MAGI2: variants seen among roughly 807,000 people sequenced by gnomAD.
The protein encoded by MAGI2 is membrane associated guanylate kinase, WW and PDZ domain containing 2.
Under a neutral mutation model 133.3 loss-of-function variants are expected in MAGI2, and 35 were observed. The ratio of observed to expected loss-of-function variants is 0.26; its 90% confidence interval spans 0.20 to 0.35. The LOEUF (loss-of-function observed/expected upper bound fraction) is 0.35, where lower values mean the gene tolerates loss of function less well. MAGI2 is among the 10% of genes least tolerant of loss of function. The pLI, the probability that MAGI2 is intolerant of heterozygous loss-of-function variation, is 1.00. For synonymous variants in MAGI2, 729 were observed against 710.6 expected, an observed-to-expected ratio of 1.03 and a Z score of -0.41; for missense variants, 1,636 against 1,863.4, an observed-to-expected ratio of 0.88 and a Z score of 2.25.
chr7:78,751,390 T>C (rs1303580764), intron 2 of MAGI2, among the ~76,000 whole-genome samples: 2 of 152,210 alleles, frequency 1.3e-5, no homozygotes, highest in African/African-American at 2.4e-5. Context: ...TGTAATTGTA[T>C]TGTTTAGAGA....
intron 6 of MAGI2, among the ~76,000 whole-genome samples, chr7:78,470,442 T>C (rs928687570): frequency 6.6e-6 from 1 of 152,096 alleles, no homozygotes; most frequent in African/African-American, 2.4e-5. Flanking sequence ...TTCTCCTTTA[T>C]TTAGTGGTGG....
chr7:78,765,581 T>G (rs567928947), intron 2 of MAGI2, among the ~76,000 whole-genome samples: 2 of 152,060 alleles, frequency 1.3e-5, no homozygotes, highest in South Asian at 2.1e-4. Flanking sequence ...ACTCCTGACC[T>G]TGTGATCTGC....
intron 2 of MAGI2, among the ~76,000 whole-genome samples, chr7:78,710,275 A>G (rs1819053305): frequency 6.6e-6 from 1 of 152,190 alleles, no homozygotes; most frequent in Admixed American, 6.5e-5. Context: ...CATCAAAATC[A>G]GGACTAATGC....
intron 1 of MAGI2, among the ~76,000 whole-genome samples, chr7:79,156,309 A>G (rs1823773244): frequency 6.6e-6 from 1 of 152,132 alleles, no homozygotes; most frequent in Non-Finnish European, 1.5e-5. Flanking sequence ...TTGTGGGGGA[A>G]AATTTGCATC....
At chr7:78,961,210 C>T (rs1428044304) in intron 2 of MAGI2, among the ~76,000 whole-genome samples, 1 of 152,050 alleles carries the variant, frequency 6.6e-6, no homozygotes, top group East Asian at 1.9e-4. Context: ...CAAATGAAGT[C>T]ACCAATGACC....
chr7:78,519,871 T>C (rs1293245143), intron 4 of MAGI2, among the ~76,000 whole-genome samples: 1 of 152,210 alleles, frequency 6.6e-6, no homozygotes, highest in African/African-American at 2.4e-5. Context: ...TCTGCTTCTT[T>C]TGTGGTTATT....
At chr7:79,175,735 G>C (rs1302616051) in intron 1 of MAGI2, among the ~76,000 whole-genome samples, 1 of 152,002 alleles carries the variant, frequency 6.6e-6, no homozygotes, top group Non-Finnish European at 1.5e-5. Context: ...GTACTGAATA[G>C]TAGGCTATTG....
At chr7:78,187,109 A>G (rs1056649479) in intron 12 of MAGI2, among the ~76,000 whole-genome samples, 1 of 152,178 alleles carries the variant, frequency 6.6e-6, no homozygotes, top group African/African-American at 2.4e-5. Flanking sequence ...TTTGCTTTAG[A>G]ATCATGTAAG....
At chr7:79,330,197 T>TTC (rs1839967908) in intron 1 of MAGI2, among the ~76,000 whole-genome samples, 11 of 134,352 alleles carry the variant, frequency 8.2e-5, no homozygotes, top group Admixed American at 7.5e-4. Flanking sequence ...TTTTTTTTTT[T>TTC]TTTTTTTTTT....
intron 1 of MAGI2, among the ~76,000 whole-genome samples, chr7:79,297,085 G>T (rs972635844): frequency 6.6e-6 from 1 of 152,026 alleles, no homozygotes; most frequent in Admixed American, 6.6e-5. Context: ...TCAAGAGAAC[G>T]GAGTCATTCA....
At chr7:78,409,988 T>C (rs1797722024) in intron 6 of MAGI2, among the ~76,000 whole-genome samples, 1 of 151,962 alleles carries the variant, frequency 6.6e-6, no homozygotes, top group African/African-American at 2.4e-5. Flanking sequence ...CGCCCTGCTG[T>C]GCTGGGATCC....
At chr7:78,907,921 CT>C (rs1798102390) in intron 2 of MAGI2, among the ~76,000 whole-genome samples, 1 of 152,076 alleles carries the variant, frequency 6.6e-6, no homozygotes. Flanking sequence ...ATAAAATAAA[CT>C]AGCTTTATCT....
chr7:78,672,576 A>C (rs1176477611), intron 2 of MAGI2, among the ~76,000 whole-genome samples: 1 of 152,222 alleles, frequency 6.6e-6, no homozygotes, highest in Non-Finnish European at 1.5e-5. Context: ...CTATCTGAAT[A>C]AACTGTTGAG....
In MAGI2 at chr7:79,059,090, C is replaced by A. The variant is rs573667512; in HGVS notation, c.302-51884G>T. Among the ~76,000 whole-genome samples, 11 of 151,926 alleles carry A rather than the reference C, an allele frequency of 7.2e-5. No homozygotes were observed. In the South Asian group the frequency reaches 2.1e-3, roughly 29 times the overall value. On this transcript the variant is annotated intron_variant, in intron 1 of 21. Coordinates refer to ENST00000354212, the MANE Select transcript of MAGI2 (RefSeq NM_012301.4). ...TAGGTTGGTGCATTACCTTTAACGG[C>A]AAAAACTGCAATTACTTTTGCACCA... is the stretch of plus-strand genomic sequence containing the variant.
chr7:79,157,778 T>A (rs1311764143), intron 1 of MAGI2, among the ~76,000 whole-genome samples: 2 of 151,934 alleles, frequency 1.3e-5, no homozygotes, highest in Admixed American at 1.3e-4. Context: ...TTTTCTCTAT[T>A]TTCTTTTCTG....
intron 2 of MAGI2, among the ~76,000 whole-genome samples, chr7:78,942,749 TG>T (rs568131062): frequency 9.9e-5 from 15 of 152,266 alleles, no homozygotes; most frequent in African/African-American, 2.9e-4. Context: ...AATATGCATT[TG>T]CTTGTTAAAA....
rs1797978836 is a variant in MAGI2 at position 78,906,151 on chromosome 7, G to A, written c.418+100939C>T. On this transcript the variant is annotated intron_variant, in intron 2 of 21. Transcript: ENST00000354212. ...AGAAATGCAGTTACATAATAAAAATGTAGGCATGTTGATTGTTATTAGTAA... is the reference window on the plus strand; with the variant it reads ...AGAAATGCAGTTACATAATAAAAATATAGGCATGTTGATTGTTATTAGTAA... Among the ~76,000 whole-genome samples the A allele has an allele frequency of 5.9e-5, 9 of 152,208 alleles. No homozygotes were observed. In the South Asian group the frequency reaches 1.9e-3, roughly 32 times the overall value.
At chr7:78,297,542 C>A (rs901469171) in intron 9 of MAGI2, among the ~76,000 whole-genome samples, 1 of 148,890 alleles carries the variant, frequency 6.7e-6, no homozygotes, top group South Asian at 2.2e-4. Flanking sequence ...ATGTTTATTG[C>A]GGCATTATTC....
At chr7:79,185,627 C>T (rs1827020610) in intron 1 of MAGI2, among the ~76,000 whole-genome samples, 1 of 151,270 alleles carries the variant, frequency 6.6e-6, no homozygotes, top group South Asian at 2.1e-4. Context: ...CTCCATTCAG[C>T]CATTTCCCAG....
Sources: gnomAD v4.1 joint callset for allele counts (sites outside exome capture counted in the v4.1 genomes callset) on GRCh38, gnomAD v4.1.1 for gene constraint, MANE v1.5 for transcripts, NCBI Gene and HGNC (gene_info 2026-07-23, HGNC 2026-07-21) for gene names.